The following GNAT3 variants were observed in gnomAD, a reference collection of about 807,000 sequenced individuals.
GNAT3 encodes G protein subunit alpha transducin 3.
In GNAT3, 31 loss-of-function variants were observed where a neutral mutation model predicts 37.7. The observed-to-expected ratio is 0.82, with a 90% confidence interval of 0.62 to 1.11. GNAT3 has a LOEUF of 1.11. GNAT3 is among the 50% of genes most tolerant of loss of function. The probability of loss-of-function intolerance (pLI) is 0.00; values close to 1 mark genes in which losing one functional copy is unlikely to be tolerated. For synonymous variants in GNAT3, 138 were observed against 139.8 expected, an observed-to-expected ratio of 0.99 and a Z score of 0.09; for missense variants, 437 against 412.5, an observed-to-expected ratio of 1.06 and a Z score of -0.51.
At position 80,502,820 on chromosome 7, in the gene GNAT3, C is replaced by A. The variant is rs147503151; in HGVS notation, c.119-8173G>T. Reference sequence around the variant, plus strand: ...AGTGAATAACATAATCAACCATAACCAATTCCACCCCAATCACTCCTCTCA... The same window carrying A: ...AGTGAATAACATAATCAACCATAACAAATTCCACCCCAATCACTCCTCTCA... On this transcript the variant is annotated intron_variant, in intron 1 of 7. Transcript: ENST00000398291. Among the ~76,000 whole-genome samples the A allele has an allele frequency of 3.2e-4, 48 of 152,102 alleles. No homozygotes were observed. In the East Asian group the frequency reaches 8.5e-3, roughly 27 times the overall value.
chr7:80,497,649 C>CGTATATACATATAT (rs1790755936), intron 1 of GNAT3, among the ~76,000 whole-genome samples: 2 of 114,536 alleles, frequency 1.7e-5, no homozygotes, highest in South Asian at 2.5e-4. Context: ...TATACATATA[C>CGTATATACATATAT]GTATATACAT....
At chr7:80,488,909 A>G (rs1790539102) in intron 2 of GNAT3, among the ~76,000 whole-genome samples, 1 of 152,104 alleles carries the variant, frequency 6.6e-6, no homozygotes, top group Non-Finnish European at 1.5e-5. Context: ...AAGACTTAGG[A>G]TTTGTTATTT....
At chr7:80,492,176 CAAA>C (rs71079120) in intron 2 of GNAT3, among the ~76,000 whole-genome samples, 18,443 of 136,242 alleles carry the variant, frequency 0.14, 1,435 homozygotes, top group African/African-American at 0.23. Flanking sequence ...CTAAAAATAC[CAAA>C]AAAAAAAAAA....
At chr7:80,466,043 A>T (rs1473122) in intron 5 of GNAT3, among the ~76,000 whole-genome samples, 42,647 of 151,924 alleles carry the variant, frequency 0.28, 6,885 homozygotes, top group East Asian at 0.59. Context: ...TTTAACCCAT[A>T]AGGATTTCCA....
At chr7:80,499,389 T>C (rs755995458) in intron 1 of GNAT3, among the ~76,000 whole-genome samples, 1 of 152,168 alleles carries the variant, frequency 6.6e-6, no homozygotes, top group African/African-American at 2.4e-5. Context: ...TGTACTTTTT[T>C]TGTTGGTTTG....
intron 1 of GNAT3, among the ~76,000 whole-genome samples, chr7:80,496,373 T>C (rs1192176940): frequency 6.6e-6 from 1 of 152,134 alleles, no homozygotes; most frequent in Non-Finnish European, 1.5e-5. Context: ...TCAAGTGATC[T>C]GCCTGCCTCG....
intron 5 of GNAT3, among the ~76,000 whole-genome samples, chr7:80,473,223 T>C (rs960803555): frequency 6.6e-6 from 1 of 152,174 alleles, no homozygotes; most frequent in African/African-American, 2.4e-5. Context: ...TGGCTCATCT[T>C]TCAGAAAATT....
intron 3 of GNAT3, among the ~76,000 whole-genome samples, chr7:80,485,867 C>T (rs1321751486): frequency 6.6e-6 from 1 of 152,040 alleles, no homozygotes; most frequent in Admixed American, 6.6e-5. Context: ...AGGAGGAAAG[C>T]CATAACATTC....
chr7:80,507,584 C>CCTA (rs1790971779), intron 1 of GNAT3, among the ~76,000 whole-genome samples: 1 of 151,878 alleles, frequency 6.6e-6, no homozygotes, highest in Non-Finnish European at 1.5e-5. Flanking sequence ...ATGTGGCTAG[C>CCTA]CTAAGGTCAC....
chr7:80,467,940 T>A (rs1373252189), intron 5 of GNAT3, among the ~76,000 whole-genome samples: 3 of 152,060 alleles, frequency 2.0e-5, no homozygotes, highest in African/African-American at 7.2e-5. Flanking sequence ...GTCTTATTTA[T>A]TTAAGTTTTT....
chr7:80,494,271 A>G (rs1366753456), intron 2 of GNAT3, among the ~76,000 whole-genome samples: 1 of 152,216 alleles, frequency 6.6e-6, no homozygotes, highest in East Asian at 1.9e-4. Context: ...CAAAAAATCA[A>G]ATATATGATT....
rs574320957 is a variant in GNAT3 at position 80,458,706 on chromosome 7, T to C, written c.1030A>G (p.Ile344Val). 10 of 1,585,962 alleles carry C rather than the reference T, an allele frequency of 6.3e-6. No homozygotes were observed. The highest frequency in any genetic ancestry group is 3.3e-4 in the Middle Eastern group (2 of 6,014). Residue 344 changes from isoleucine (I) to valine (V), a missense_variant, in exon 8 of 8, where the codon ATC becomes GTC. Coordinates refer to ENST00000398291, the MANE Select transcript of GNAT3 (RefSeq NM_001102386.3). ...FVFDAVTDII[I>V]KENLKDCGLF Reference sequence around the variant, plus strand: ...CCACAGTCTTTTAGATTCTCTTTGATTATTATATCTGTAACTGCGTCAAAC... The same window carrying C: ...CCACAGTCTTTTAGATTCTCTTTGACTATTATATCTGTAACTGCGTCAAAC...
chr7:80,505,402 C>T (rs1790914411), intron 1 of GNAT3, among the ~76,000 whole-genome samples: 1 of 152,194 alleles, frequency 6.6e-6, no homozygotes, highest in Non-Finnish European at 1.5e-5. Context: ...GAGTCTCACT[C>T]TGTGCCCAGG....
chr7:80,511,326 C>T (rs1297997844), intron 1 of GNAT3, among the ~76,000 whole-genome samples: 6 of 152,014 alleles, frequency 3.9e-5, no homozygotes, highest in Admixed American at 1.3e-4. Flanking sequence ...ATTTAAAGTA[C>T]CTTATCATTG....
intron 5 of GNAT3, among the ~76,000 whole-genome samples, chr7:80,468,837 T>C (rs969042501): frequency 3.9e-5 from 6 of 152,138 alleles, no homozygotes; most frequent in African/African-American, 1.4e-4. Context: ...CTACTAAATG[T>C]GTGTGTGCAT....
At chr7:80,487,789 C>T (rs970529940) in intron 3 of GNAT3, 3 of 152,090 alleles carry the variant, frequency 2.0e-5, no homozygotes. Context: ...TGGGTGAGTT[C>T]TTCTTGTGGA....
At chr7:80,488,812 C>T (rs1790536811) in intron 2 of GNAT3, 136 bp from the exon 3 acceptor site, 1 of 552,020 alleles carries the variant, frequency 1.8e-6, no homozygotes, top group Non-Finnish European at 3.1e-6. Flanking sequence ...TATATGCTAA[C>T]TCTAAACAAT....
intron 1 of GNAT3, among the ~76,000 whole-genome samples, chr7:80,505,404 G>GT (rs1790914629): frequency 2.0e-5 from 3 of 152,082 alleles, no homozygotes; most frequent in African/African-American, 7.2e-5. Context: ...GTCTCACTCT[G>GT]TGCCCAGGCT....
intron 3 of GNAT3, among the ~76,000 whole-genome samples, chr7:80,485,258 C>T (rs1584182013): frequency 6.6e-6 from 1 of 151,868 alleles, no homozygotes; most frequent in Admixed American, 6.6e-5. Context: ...CCTATTCCAT[C>T]CTACTTTCTT....
Sources: gnomAD v4.1 joint callset for allele counts (sites outside exome capture counted in the v4.1 genomes callset) on GRCh38, gnomAD v4.1.1 for gene constraint, MANE v1.5 for transcripts, NCBI Gene and HGNC (gene_info 2026-07-23, HGNC 2026-07-21) for gene names.